The following TOP1MT variants were observed in gnomAD, a reference collection of about 807,000 sequenced individuals.
TOP1MT encodes the protein DNA topoisomerase I mitochondrial, also known as DNA topoisomerase I, mitochondrial.
In TOP1MT, 80 loss-of-function variants were observed where a neutral mutation model predicts 73.9. That is an observed-to-expected ratio of 1.08 (90% CI 0.90 to 1.30). The LOEUF (loss-of-function observed/expected upper bound fraction) is 1.30. TOP1MT is among the 50% of genes most tolerant of loss of function. TOP1MT has a pLI of 0.00. For missense variants in TOP1MT, 815 were observed against 808.0 expected (o/e 1.01, Z -0.10); for synonymous variants, 338 against 326.4 (o/e 1.04, Z -0.38).
At chr8:143,322,360 CCA>C (rs1281104760) in intron 7 of TOP1MT, among the ~76,000 whole-genome samples, 8 of 88,472 alleles carry the variant, frequency 9.0e-5, no homozygotes, top group Admixed American at 1.3e-4. Context: ...CACACGCACG[CCA>C]CACACACAGG....
upstream of TOP1MT, among the ~76,000 whole-genome samples, chr8:143,347,685 C>T (rs1052150913): frequency 1.8e-5 from 2 of 113,264 alleles, no homozygotes; most frequent in South Asian, 4.3e-4. Flanking sequence ...CCACAGCAGG[C>T]AGGCAGCCAG....
intron 1 of TOP1MT, 75 bp downstream of exon 1, chr8:143,334,665 C>T: frequency 6.4e-7 from 1 of 1,568,740 alleles, no homozygotes; most frequent in South Asian, 1.1e-5. Flanking sequence ...CCCACGAGGC[C>T]TGCCACTCCC....
intron 13 of TOP1MT, chr8:143,309,837 G>A (rs1171423097): frequency 9.8e-6 from 15 of 1,534,454 alleles, no homozygotes; most frequent in South Asian, 6.0e-5. Context: ...TGATGCCTCC[G>A]AGTCCCAGGC....
upstream of TOP1MT, among the ~76,000 whole-genome samples, chr8:143,345,583 T>C (rs140785823): frequency 1.2e-4 from 19 of 152,152 alleles, no homozygotes; most frequent in East Asian, 3.7e-3. Context: ...CAGCAGAGAG[T>C]TTTTCACTGT....
rs1320723744 is a variant in TOP1MT, at chr8:143,342,712, TG to T, written c.29+507del. On this transcript the variant is annotated intron_variant, in intron 2 of 5. Transcript: ENST00000518007. ...ATTATTATTAGAGACAGAGTCTCGC[TG>T]TTATTATTATTATTAGAGACAGAGT... Among the ~76,000 whole-genome samples, 22 of 128,178 alleles carry T rather than the reference TG, an allele frequency of 1.7e-4. 1 individual carries two copies. The highest frequency in any genetic ancestry group is 2.8e-4 in the Non-Finnish European group (16 of 57,378). 84.1% of individuals were successfully genotyped at this position (128,178 alleles called of 152,430 possible).
intron 2 of TOP1MT, 71 bp downstream of exon 2, chr8:143,331,153 G>A: frequency 1.6e-6 from 2 of 1,249,256 alleles, no homozygotes; most frequent in South Asian, 2.7e-5. Flanking sequence ...GAGCGAGCCA[G>A]ATGCCCACTG....
At chr8:143,343,571 G>C (rs1817169307) in intron 1 of TOP1MT, 2 of 265,164 alleles carry the variant, frequency 7.5e-6, no homozygotes, top group Admixed American at 4.7e-5. Context: ...AGAGTGGGCA[G>C]GCAGTAAAAG....
At chr8:143,315,911 C>G (rs1449232234) in intron 11 of TOP1MT, 88 bp downstream of exon 11, 1 of 1,607,810 alleles carries the variant, frequency 6.2e-7, no homozygotes, top group African/African-American at 1.3e-5. Context: ...GTGCCCACCG[C>G]AGCTGGCTCC....
At chr8:143,357,566 G>C (rs1267437693), upstream of TOP1MT, among the ~76,000 whole-genome samples, 1 of 151,968 alleles carries the variant, frequency 6.6e-6, no homozygotes, top group Non-Finnish European at 1.5e-5. Context: ...GGACTGCTTG[G>C]GGCAAGGAGT....
Position 143,325,429 on chromosome 8 carries a change from C to A in TOP1MT, c.588G>T (p.Leu196Phe), listed in dbSNP as rs780663716. 1 of 1,613,508 alleles carries A rather than the reference C, an allele frequency of 6.2e-7. No individual in the cohort carries two copies. The highest frequency in any genetic ancestry group is 1.1e-5 in the South Asian group (1 of 91,090). ...IGNFKIEPPG[L>F]FRGRGDHPKM... Reference sequence around the variant, plus strand: ...TGGGATGGTCGCCACGGCCACGGAACAAGCCAGGCGGCTCAATCTTGAAGT... The same window carrying A: ...TGGGATGGTCGCCACGGCCACGGAAAAAGCCAGGCGGCTCAATCTTGAAGT... Residue 196 changes from leucine to phenylalanine, a missense_variant, in exon 5 of 14, where the codon TTG (leucine) becomes TTT (phenylalanine). By Grantham distance (22) the Leu-to-Phe change is conservative. Coordinates refer to ENST00000329245, the MANE Select transcript of TOP1MT (RefSeq NM_052963.3).
In TOP1MT at chr8:143,334,662, G is replaced by A. The variant is rs548837899; in HGVS notation, c.122+78C>T. 270 of 1,563,720 alleles carry A rather than the reference G, an allele frequency of 1.7e-4. 3 individuals carry two copies. In the East Asian group the frequency reaches 5.4e-3, roughly 31 times the overall value. On this transcript the variant is annotated intron_variant, in intron 1 of 13. Transcript: ENST00000329245. The stretch of plus-strand genomic sequence containing the variant: ...GAAGCAGGGCAAGGCCGTCCCACGA[G>A]GCCTGCCACTCCCCTTTCTGGACCT...
In TOP1MT at chr8:143,341,673, C is replaced by G. The variant is rs1319012558; in HGVS notation, c.29+1547G>C. ...GGCAATGAACAAAGGAGCCAGGGGTCAGCTTGGGGCTGCTCCCAACTCCGG... is the reference window on the plus strand; with the variant it reads ...GGCAATGAACAAAGGAGCCAGGGGTGAGCTTGGGGCTGCTCCCAACTCCGG... On this transcript the variant is annotated intron_variant, in intron 2 of 5. Transcript: ENST00000518007. The surrounding 1 kb of genome is among the most constrained non-coding windows in gnomAD (Gnocchi z 4.1). 6.6e-6 allele frequency among the ~76,000 whole-genome samples: 1 copy of G among 152,222 alleles called. No individual in the cohort carries two copies. Among genetic ancestry groups the G allele is most frequent in the Admixed American group, 6.5e-5 (1 of 15,284 alleles).
At chr8:143,320,185 G>C (rs998069441) in intron 8 of TOP1MT, among the ~76,000 whole-genome samples, 1 of 151,902 alleles carries the variant, frequency 6.6e-6, no homozygotes, top group African/African-American at 2.4e-5. Context: ...CAGGAGTGCA[G>C]TGGTGCCATC....
chr8:143,347,692 C>CAGCCAGG (rs1563773691), upstream of TOP1MT, among the ~76,000 whole-genome samples: 1 of 22,212 alleles, frequency 4.5e-5, no homozygotes, highest in African/African-American at 6.9e-5. Context: ...AGGCAGGCAG[C>CAGCCAGG]CAGCCAGCCA....
Position 143,310,149 on chromosome 8 carries a change from G to T in TOP1MT, c.1622C>A (p.Ala541Asp). 6.2e-7 allele frequency: 1 copy of T among 1,612,372 alleles called. No individual in the cohort carries two copies. The highest frequency in any genetic ancestry group is 1.1e-5 in the South Asian group (1 of 90,938). Residue 541 changes from alanine to aspartate, a missense_variant, in exon 13 of 14, where the codon GCC becomes GAC. Coordinates refer to ENST00000329245, the MANE Select transcript of TOP1MT (RefSeq NM_052963.3). ...QEQLAQLSVQ[A>D]TDKEENKQVA... ...CTGCTTGTTCTCCTCCTTGTCCGTG[G>T]CCTGCACACTCAGCTGCGCCAGCTG...
intron 2 of TOP1MT, 75 bp downstream of exon 2, chr8:143,331,149 G>A: frequency 1.7e-6 from 2 of 1,204,512 alleles, no homozygotes; most frequent in South Asian, 2.7e-5. Context: ...GAGGGAGCGA[G>A]CCAGATGCCC....
chr8:143,324,294 G>A (rs755146652), intron 6 of TOP1MT, 152 bp from the exon 7 acceptor site: 6 of 1,326,964 alleles, frequency 4.5e-6, no homozygotes, highest in Admixed American at 2.1e-5. Context: ...GGGTGATGCC[G>A]GCAGTGAGCA....
chr8:143,321,446 A>C, intron 7 of TOP1MT, 60 bp from the exon 8 acceptor site: 1 of 1,427,244 alleles, frequency 7.0e-7, no homozygotes, highest in Non-Finnish European at 9.5e-7. Flanking sequence ...ACACACACGC[A>C]CGCCACACAC....
chr8:143,334,276 C>T (rs114401435), intron 1 of TOP1MT: 6,296 of 153,150 alleles, frequency 0.041, 439 homozygotes, highest in African/African-American at 0.14. Context: ...TGGATCCATG[C>T]GGCTTGTGCC....
Sources: gnomAD v4.1 joint callset for allele counts (sites outside exome capture counted in the v4.1 genomes callset) on GRCh38, gnomAD v4.1.1 for gene constraint, Gnocchi (gnomAD v3.1) non-coding constraint, MANE v1.5 for transcripts, NCBI Gene and HGNC (gene_info 2026-07-23, HGNC 2026-07-21) for gene names.